THSD7B: variants seen among roughly 807,000 people sequenced by gnomAD.
The protein encoded by THSD7B is thrombospondin type 1 domain containing 7B.
A neutral mutation model predicts 213.6 loss-of-function variants in THSD7B; 138 were observed. That is an observed-to-expected ratio of 0.65 (90% CI 0.56 to 0.74). The LOEUF (loss-of-function observed/expected upper bound fraction) is 0.74. Ranked by LOEUF, THSD7B falls within the 30% of genes least tolerant of loss-of-function variation. The probability of loss-of-function intolerance (pLI) is 0.00; values close to 1 mark genes in which losing one functional copy is unlikely to be tolerated. For synonymous variants in THSD7B, 742 were observed against 687.0 expected, an observed-to-expected ratio of 1.08 and a Z score of -1.25; for missense variants, 1,931 against 1,991.5, an observed-to-expected ratio of 0.97 and a Z score of 0.58.
At chr2:137,174,260 A>G (rs966041207) in intron 7 of THSD7B, among the ~76,000 whole-genome samples, 1 of 152,174 alleles carries the variant, frequency 6.6e-6, no homozygotes, top group Non-Finnish European at 1.5e-5. Flanking sequence ...TCCCATTCAA[A>G]TTGTGGAACC....
intron 15 of THSD7B, among the ~76,000 whole-genome samples, chr2:137,556,484 G>A (rs1393783822): frequency 1.3e-5 from 2 of 152,048 alleles, no homozygotes; most frequent in African/African-American, 2.4e-5. Flanking sequence ...TTACAGACAA[G>A]CAAATGCTGA....
intron 3 of THSD7B, among the ~76,000 whole-genome samples, chr2:137,076,888 A>G (rs1057088659): frequency 2.6e-5 from 4 of 151,924 alleles, no homozygotes; most frequent in African/African-American, 7.3e-5. Flanking sequence ...TATTAGTTAC[A>G]TATGTATACA....
chr2:137,509,094 G>A (rs1042018154), intron 15 of THSD7B, among the ~76,000 whole-genome samples: 3 of 152,116 alleles, frequency 2.0e-5, no homozygotes, highest in African/African-American at 7.2e-5. Flanking sequence ...TTCTTTTTCA[G>A]AATCATATGA....
intron 12 of THSD7B, among the ~76,000 whole-genome samples, chr2:137,289,301 AAAG>A (rs1325381062): frequency 6.6e-6 from 1 of 151,974 alleles, no homozygotes. Context: ...AAAAAAGAAA[AAAG>A]AAATCCTCAG....
At chr2:137,458,962 ATATCT>A (rs141610352) in intron 15 of THSD7B, among the ~76,000 whole-genome samples, 32,949 of 151,778 alleles carry the variant, frequency 0.22, 3,732 homozygotes, top group South Asian at 0.27. Context: ...TTTCAAACTG[ATATCT>A]TATCTTTCTT....
At chr2:136,794,100 G>GTT (rs140567333) in intron 1 of THSD7B, among the ~76,000 whole-genome samples, 1 of 143,594 alleles carries the variant, frequency 7.0e-6, no homozygotes, top group African/African-American at 2.5e-5. Context: ...TGTGTGCTTT[G>GTT]TTTTTTTTTT....
intron 2 of THSD7B, among the ~76,000 whole-genome samples, chr2:136,899,590 GA>G (rs34502598): frequency 0.027 from 4,068 of 152,246 alleles, 181 homozygotes; most frequent in African/African-American, 0.092. Flanking sequence ...ACAAGTAGGT[GA>G]AAATCTTGTT....
chr2:136,942,836 A>C (rs501346), intron 2 of THSD7B, among the ~76,000 whole-genome samples: 72,651 of 151,410 alleles, frequency 0.48, 18,535 homozygotes, highest in Non-Finnish European at 0.58. Flanking sequence ...ATTGAATACC[A>C]TTTATTTCTT....
At chr2:137,369,378 G>A (rs996315000) in intron 12 of THSD7B, among the ~76,000 whole-genome samples, 11 of 152,134 alleles carry the variant, frequency 7.2e-5, no homozygotes, top group African/African-American at 2.7e-4. Context: ...GCAGCTCTGA[G>A]GAGTAGAGAT....
chr2:137,305,913 C>G (rs1683730298), intron 12 of THSD7B, among the ~76,000 whole-genome samples: 1 of 152,128 alleles, frequency 6.6e-6, no homozygotes, highest in Non-Finnish European at 1.5e-5. Context: ...CTGCATGTTA[C>G]TGTACTGAAT....
chr2:137,062,250 G>A (rs1283176687), intron 3 of THSD7B, among the ~76,000 whole-genome samples: 1 of 151,256 alleles, frequency 6.6e-6, no homozygotes, highest in African/African-American at 2.4e-5. Context: ...CCTGGCTAGA[G>A]GTTCATTAAT....
At chr2:136,849,943 A>G (rs1349170908) in intron 1 of THSD7B, among the ~76,000 whole-genome samples, 1 of 152,100 alleles carries the variant, frequency 6.6e-6, no homozygotes, top group African/African-American at 2.4e-5. Flanking sequence ...GAAGTCATTT[A>G]TGTTTTTGCC....
intron 6 of THSD7B, among the ~76,000 whole-genome samples, chr2:137,163,077 G>T (rs952777463): frequency 4.6e-5 from 7 of 152,044 alleles, no homozygotes; most frequent in Admixed American, 3.9e-4. Context: ...TATTTTTCCG[G>T]ATAATTCGGA....
chr2:137,020,872 C>G (rs1686431494), intron 2 of THSD7B, among the ~76,000 whole-genome samples: 1 of 152,160 alleles, frequency 6.6e-6, no homozygotes, highest in Non-Finnish European at 1.5e-5. Context: ...ATGGGAAAAG[C>G]TGCAATCTAC....
intron 12 of THSD7B, among the ~76,000 whole-genome samples, chr2:137,309,778 T>C (rs192331210): frequency 1.3e-5 from 2 of 152,216 alleles, no homozygotes; most frequent in East Asian, 1.9e-4. Flanking sequence ...TTCTTGGCGA[T>C]AGTTTACTGA....
intron 10 of THSD7B, among the ~76,000 whole-genome samples, chr2:137,270,837 G>A (rs1682717321): frequency 6.6e-6 from 1 of 152,150 alleles, no homozygotes; most frequent in South Asian, 2.1e-4. Flanking sequence ...GTCAATTACT[G>A]CAGAAAGTCA....
At chr2:137,031,402 T>C (rs1686664324) in intron 2 of THSD7B, among the ~76,000 whole-genome samples, 1 of 152,098 alleles carries the variant, frequency 6.6e-6, no homozygotes, top group Admixed American at 6.6e-5. Context: ...TATAGACATA[T>C]CATTGTCTTC....
In THSD7B at chr2:137,670,435, G is replaced by C. The variant is rs1258621996; in HGVS notation, c.4739+2574G>C. On this transcript the variant is annotated intron_variant, in intron 27 of 27. Coordinates refer to ENST00000409968, the MANE Select transcript of THSD7B (RefSeq NM_001316349.2). ...CCTGTACAGGCTGGTGTGTTGTATA[G>C]GTCCAAACACATTTAAGTCTTCATT... Among the ~76,000 whole-genome samples, 5 of 152,066 alleles carry C rather than the reference G, an allele frequency of 3.3e-5. No homozygotes were observed. In the South Asian group the frequency reaches 1.0e-3, roughly 32 times the overall value.
intron 12 of THSD7B, 32 bp from the exon 13 acceptor site, chr2:137,405,581 A>C (rs370392951): frequency 6.4e-6 from 10 of 1,557,452 alleles, no homozygotes; most frequent in Non-Finnish European, 8.7e-6. Context: ...TTTAATCAAA[A>C]TAATAACAAA....
Sources: allele counts gnomAD v4.1 joint callset (sites outside exome capture counted in the v4.1 genomes callset), GRCh38; gene constraint gnomAD v4.1.1; transcripts MANE v1.5; gene names NCBI Gene and HGNC (gene_info 2026-07-23, HGNC 2026-07-21).